The following MAGT1 variants were observed in gnomAD, a reference collection of about 807,000 sequenced individuals.
MAGT1 encodes dolichyl-diphosphooligosaccharide--protein glycosyltransferase subunit MAGT1.
A neutral mutation model predicts 28.4 loss-of-function variants in MAGT1; 4 were observed. The ratio of observed to expected loss-of-function variants is 0.14; its 90% CI spans 0.07 to 0.32. The LOEUF is 0.32. Ranked by LOEUF, MAGT1 falls within the 10% of genes least tolerant of loss-of-function variation. MAGT1 has a pLI of 1.00. For synonymous variants in MAGT1, 89 were observed against 89.7 expected, an observed-to-expected ratio of 0.99 and a Z score of 0.04; for missense variants, 193 against 264.5, an observed-to-expected ratio of 0.73 and a Z score of 1.88.
At chrX:77,891,315 C>CATCTATCTATCTATCTATCTATCT (rs79053193) in intron 1 of MAGT1, among the ~76,000 whole-genome samples, 14 of 90,460 alleles carry the variant, frequency 1.5e-4, no homozygotes, top group Non-Finnish European at 1.9e-4. Context: ...TCAGTTCCCT[C>CATCTATCTATCTATCTATCTATCT]ATCTATCTAT....
Position 77,857,260 on chromosome X carries a change from C to T in MAGT1, c.531+97G>A. ...TATGAAGTGACTGCCAAACTAGTAC[C>T]ACCTCAGTGATATGGGGACAAGACT... On this transcript the variant is annotated intron_variant, in intron 4 of 9. Coordinates refer to ENST00000618282, the MANE Select transcript of MAGT1 (RefSeq NM_001367916.1). 4 of 1,043,786 alleles carry T rather than the reference C, an allele frequency of 3.8e-6. No individual in the cohort carries two copies. The South Asian group carries it at 5.7e-5, about 15-fold the overall frequency. The allele number at this position is 1,043,786 out of a possible 1,213,427, so 86.0% of individuals were successfully genotyped here.
At chrX:77,895,211 T>C (rs907270454) in intron 1 of MAGT1, 98 bp downstream of exon 1, 49 of 949,980 alleles carry the variant, frequency 5.2e-5, no homozygotes, top group South Asian at 8.1e-5. Flanking sequence ...ACCAAAGGCA[T>C]AGAAGCGGCA....
At chrX:77,855,474 A>G (rs1569548010) in intron 6 of MAGT1, 27 bp downstream of exon 6, 11 of 1,113,689 alleles carry the variant, frequency 9.9e-6, no homozygotes, top group Non-Finnish European at 1.4e-5. Flanking sequence ...TGGTCTACAA[A>G]GGAAAGAAAT....
At chrX:77,861,062 C>T (rs975593771) in intron 3 of MAGT1, among the ~76,000 whole-genome samples, 3 of 109,302 alleles carry the variant, frequency 2.7e-5, no homozygotes, top group Non-Finnish European at 5.7e-5. Flanking sequence ...GCCTGTAATC[C>T]CAGCTACTCG....
At chrX:77,884,215 T>C (rs782378664) in intron 1 of MAGT1, among the ~76,000 whole-genome samples, 13 of 111,229 alleles carry the variant, frequency 1.2e-4, no homozygotes, top group Non-Finnish European at 2.5e-4. Context: ...ACAAAAACTT[T>C]TACAATAAAA....
Position 77,889,375 on chromosome X carries a change from T to A in MAGT1, c.102+5934A>T, listed in dbSNP as rs192293494. On this transcript the variant is annotated intron_variant, in intron 1 of 9. Coordinates refer to ENST00000618282, the MANE Select transcript of MAGT1 (RefSeq NM_001367916.1). ...ATATATATGTACATATATATATATA[T>A]ATTTTTTTTTTTGACATGGAATGAC... 8.0e-4 allele frequency among the ~76,000 whole-genome samples: 81 copies of A among 101,460 alleles called. No homozygotes were observed. In the East Asian group the frequency reaches 0.023, roughly 29 times the overall value. The allele number at this position is 101,460 out of a possible 115,157, so 88.1% of individuals were successfully genotyped here. A position where few individuals can be genotyped will look rare whatever the true frequency, so the allele number is the denominator to read the frequency against.
chrX:77,828,908 T>C lies in MAGT1; in HGVS notation c.*312A>G, dbSNP rs1213563153. On this transcript the variant is annotated 3_prime_UTR_variant, in exon 10 of 10. Transcript: ENST00000618282. ...AAGTTAACTAAAGTAGTTTTGAGCTTTGTTCTAACTAAAACAAAGTAGTAG... is the reference window on the plus strand; with the variant it reads ...AAGTTAACTAAAGTAGTTTTGAGCTCTGTTCTAACTAAAACAAAGTAGTAG... 1.6e-5 allele frequency: 3 copies of C among 191,141 alleles called. No individual in the cohort carries two copies. Among genetic ancestry groups the C allele is most frequent in the African/African-American group, 8.9e-5 (3 of 33,587 alleles). The allele number at this position is 191,141 out of a possible 1,213,427, so 15.8% of individuals were successfully genotyped here.
chrX:77,848,068 C>T (rs1461990606), intron 7 of MAGT1, among the ~76,000 whole-genome samples: 1 of 112,180 alleles, frequency 8.9e-6, no homozygotes, highest in East Asian at 2.8e-4. Context: ...CTTTTGTGTA[C>T]TCTTCTTAGC....
intron 8 of MAGT1, among the ~76,000 whole-genome samples, chrX:77,836,268 C>T (rs931308276): frequency 1.8e-5 from 2 of 111,048 alleles, no homozygotes; most frequent in East Asian, 2.8e-4. Flanking sequence ...GGGGGAAGTA[C>T]GGATGGCTAA....
At chrX:77,889,379 T>A (rs1249696510) in intron 1 of MAGT1, among the ~76,000 whole-genome samples, 7 of 103,431 alleles carry the variant, frequency 6.8e-5, no homozygotes, top group African/African-American at 2.1e-4. Context: ...TATATATATT[T>A]TTTTTTTTGA....
chrX:77,855,387 T>C (rs1465344127), intron 6 of MAGT1, 114 bp downstream of exon 6: 6 of 538,548 alleles, frequency 1.1e-5, no homozygotes, highest in African/African-American at 2.3e-5. Context: ...ACAAGAGAGA[T>C]TGAAAAGTGA....
At chrX:77,831,165 C>G (rs891930051) in intron 8 of MAGT1, among the ~76,000 whole-genome samples, 9 of 110,418 alleles carry the variant, frequency 8.2e-5, no homozygotes, top group Non-Finnish European at 1.1e-4. Context: ...CTACAGGCGC[C>G]CGCCACTGCG....
chrX:77,891,132 C>G lies in MAGT1; in HGVS notation c.102+4177G>C, dbSNP rs782483178. On this transcript the variant is annotated intron_variant, in intron 1 of 9. Transcript: ENST00000618282. ...GCGAGGATGAACAACTTCCCTTCCA[C>G]AACAGGGGGAAAGGATTCACCATAA... Among the ~76,000 whole-genome samples the G allele has an allele frequency of 2.7e-5, 3 of 110,959 alleles. No individual in the cohort carries two copies. The South Asian group carries it at 1.1e-3, about 42-fold the overall frequency.
In MAGT1 at chrX:77,875,553, G is replaced by T. The variant is rs2077031185; in HGVS notation, c.147C>A (p.Asn49Lys). Residue 49 changes from asparagine to lysine, a missense_variant, in exon 2 of 10, where the codon AAC becomes AAA. Transcript: ENST00000618282. The part of the protein sequence containing the change: ...EKVSQLMEWT[N>K]KRPVIRMNGD... ...CATTCATTCTTATTACAGGTCTTTT[G>T]TTAGTCCATTCCATCAGCTGACTAA... 1 of 1,209,093 alleles carries T rather than the reference G, an allele frequency of 8.3e-7. No individual in the cohort carries two copies. The highest frequency in any genetic ancestry group is 1.8e-5 in the South Asian group (1 of 56,912).
chrX:77,865,851 T>C (rs1046324433), intron 3 of MAGT1, among the ~76,000 whole-genome samples: 4 of 109,579 alleles, frequency 3.7e-5, no homozygotes, highest in Non-Finnish European at 7.6e-5. Flanking sequence ...CAATCAACAG[T>C]GCTGACATAC....
intron 1 of MAGT1, among the ~76,000 whole-genome samples, chrX:77,880,290 G>A (rs928091472): frequency 2.6e-4 from 28 of 108,431 alleles, no homozygotes; most frequent in Non-Finnish European, 5.2e-4. Context: ...AGCACTTTGG[G>A]AGGCCAAGGC....
At chrX:77,854,673 T>A (rs1557215807) in intron 6 of MAGT1, among the ~76,000 whole-genome samples, 1 of 107,970 alleles carries the variant, frequency 9.3e-6, no homozygotes, top group African/African-American at 3.4e-5. Flanking sequence ...AGGAGATGGA[T>A]CTTGCTATGT....
At chrX:77,895,248 C>T (rs951949845) in intron 1 of MAGT1, 61 bp downstream of exon 1, 143 of 1,145,059 alleles carry the variant, frequency 1.2e-4, no homozygotes, top group Non-Finnish European at 1.6e-4. Flanking sequence ...AAGAGGCGAA[C>T]AGACCCTCTT....
chrX:77,851,665 C>T (rs782787336), intron 7 of MAGT1, among the ~76,000 whole-genome samples: 53 of 110,384 alleles, frequency 4.8e-4, no homozygotes, highest in African/African-American at 1.7e-3. Flanking sequence ...TGAGGCAGCA[C>T]GCCTGGCCGT....
Sources: allele counts gnomAD v4.1 joint callset (sites outside exome capture counted in the v4.1 genomes callset), GRCh38; gene constraint gnomAD v4.1.1; transcripts MANE v1.5; gene names NCBI Gene and HGNC (gene_info 2026-07-23, HGNC 2026-07-21).